The following LY75 variants were observed in gnomAD, a reference collection of about 807,000 sequenced individuals.
LY75 encodes lymphocyte antigen 75.
In LY75, 185 loss-of-function variants were observed where a neutral mutation model predicts 231.7. The observed-to-expected ratio is 0.80, with a 90% CI of 0.71 to 0.90. The LOEUF is 0.90. LY75 is among the 40% of genes least tolerant of loss of function. The pLI is 0.00. For synonymous variants in LY75, 668 were observed against 689.0 expected (o/e 0.97, Z 0.48); for missense variants, 1,947 against 2,050.2 (o/e 0.95, Z 0.97).
chr2:159,850,362 C>T lies in LY75; in HGVS notation c.2989G>A (p.Asp997Asn). The change falls in exon 22 of 35, where the codon GAC becomes AAC. Residue 997 changes from aspartate (D) to asparagine (N), a missense_variant and splice_region_variant. By Grantham distance (23) the Asp-to-Asn change is conservative (BLOSUM62 1). Transcript: ENST00000263636. ...LPSVLSQIEQ[D>N]FITSLLPDME... ...CATGTTTCCCAAATAATTCCAGTAC[C>T]TTGTTCAATCTGGCTCAACACTGAA... 6.2e-7 allele frequency: 1 copy of T among 1,613,636 alleles called. No individual in the cohort carries two copies.
Position 159,904,660 on chromosome 2 carries a change from G to A in LY75, c.23C>T (p.Pro8Leu). The part of the protein sequence containing the change: MRTGWAT[P>L]RRPAGLLMLL... ...CATGAGGAGCCCCGCCGGGCGGCGA[G>A]GGGTCGCCCAGCCTGTCCTCATCCT... Residue 8 changes from proline to leucine, a missense_variant, in exon 1 of 35, where the codon CCT becomes CTT. By Grantham distance (98) the Pro-to-Leu change is moderately conservative. Transcript: ENST00000263636. The A allele has an allele frequency of 6.7e-7, 1 of 1,488,810 alleles. No homozygotes were observed. The highest frequency in any genetic ancestry group is 8.9e-7 in the Non-Finnish European group (1 of 1,122,416). 92.2% of individuals were successfully genotyped at this position (1,488,810 alleles called of 1,614,324 possible). A position where few individuals can be genotyped will look rare whatever the true frequency, so the allele number is the denominator to read the frequency against.
rs201634137 is a variant in LY75 at position 159,872,559 on chromosome 2, T to C, written c.2009A>G (p.Asn670Ser). The part of the protein sequence containing the change: ...FHAERIVRKR[N>S]WEEAERFCQA... ...GCAGAATCGTTCAGCTTCTTCCCAGTTCCTCTTTCTTACAATTCTTTCTGC... is the reference window on the plus strand; with the variant it reads ...GCAGAATCGTTCAGCTTCTTCCCAGCTCCTCTTTCTTACAATTCTTTCTGC... Residue 670 changes from asparagine to serine, a missense_variant, in exon 13 of 35, where the codon AAC (asparagine) becomes AGC (serine). Coordinates refer to ENST00000263636, the MANE Select transcript of LY75 (RefSeq NM_002349.4). The C allele has an allele frequency of 1.2e-6, 2 of 1,613,914 alleles. No individual in the cohort carries two copies. Among genetic ancestry groups the C allele is most frequent in the Non-Finnish European group, 1.7e-6 (2 of 1,179,856 alleles).
intron 16 of LY75, among the ~76,000 whole-genome samples, chr2:159,856,842 T>C (rs970794753): frequency 6.6e-6 from 1 of 152,154 alleles, no homozygotes; most frequent in African/African-American, 2.4e-5. Context: ...CTATTTCCTC[T>C]GGTGGCTAAT....
At chr2:159,832,301 C>T (rs1220363470) in intron 27 of LY75, among the ~76,000 whole-genome samples, 3 of 152,130 alleles carry the variant, frequency 2.0e-5, no homozygotes, top group African/African-American at 7.2e-5. Flanking sequence ...TGAGCTCTGC[C>T]TCCTGTTAGA....
chr2:159,824,605 C>A (rs971809091), intron 28 of LY75, among the ~76,000 whole-genome samples: 2 of 152,174 alleles, frequency 1.3e-5, no homozygotes, highest in African/African-American at 4.8e-5. Flanking sequence ...AGCTCTGGAC[C>A]AAGTGGACCT....
intron 13 of LY75, among the ~76,000 whole-genome samples, chr2:159,870,674 C>CA (rs1684985729): frequency 7.1e-6 from 1 of 141,612 alleles, no homozygotes; most frequent in African/African-American, 2.6e-5. Context: ...CCAGCTAATT[C>CA]TTTTTTTTTT....
intron 13 of LY75, among the ~76,000 whole-genome samples, chr2:159,867,513 C>T (rs966780014): frequency 6.6e-6 from 1 of 152,210 alleles, no homozygotes; most frequent in Non-Finnish European, 1.5e-5. Flanking sequence ...ACTCCAAGCA[C>T]TAAGTATATG....
intron 31 of LY75, 135 bp from the exon 32 acceptor site, chr2:159,810,810 C>T (rs1419629506): frequency 1.4e-5 from 18 of 1,301,824 alleles, no homozygotes; most frequent in Admixed American, 1.4e-4. Flanking sequence ...GAGAAAGCCA[C>T]AGCCCACACT....
In LY75 at chr2:159,804,964, G is replaced by T; in HGVS notation, c.*80C>A. ...TTTAAGAGTTCTACTTTGGAGCAGA[G>T]TAAATACTGACACTGGGACATTTTA... is the stretch of plus-strand genomic sequence containing the variant. On this transcript the variant is annotated 3_prime_UTR_variant, in exon 35 of 35. Coordinates refer to ENST00000263636, the MANE Select transcript of LY75 (RefSeq NM_002349.4). The T allele has an allele frequency of 1.8e-6, 2 of 1,136,172 alleles. No individual in the cohort carries two copies. The highest frequency in any genetic ancestry group is 2.0e-5 in the Admixed American group (1 of 49,136). 70.4% of individuals were successfully genotyped at this position (1,136,172 alleles called of 1,614,324 possible).
At chr2:159,876,203 G>A (rs923793192) in intron 11 of LY75, among the ~76,000 whole-genome samples, 38 of 152,244 alleles carry the variant, frequency 2.5e-4, no homozygotes, top group Non-Finnish European at 5.3e-4. Context: ...AGTATTAAAA[G>A]GTAGTTTGAA....
chr2:159,818,569 A>T (rs746277036), intron 29 of LY75, among the ~76,000 whole-genome samples: 6 of 152,240 alleles, frequency 3.9e-5, no homozygotes, highest in Non-Finnish European at 7.3e-5. Flanking sequence ...GGATCCTAGA[A>T]AGAAAAAGTA....
chr2:159,872,768 A>G (rs533303778), intron 12 of LY75, among the ~76,000 whole-genome samples, 175 bp from the exon 13 acceptor site: 7 of 152,296 alleles, frequency 4.6e-5, no homozygotes, highest in South Asian at 2.1e-4. Context: ...GAAAGTGTCA[A>G]TTCAACTAAA....
chr2:159,884,253 T>C (rs914596188), intron 6 of LY75, among the ~76,000 whole-genome samples: 3 of 152,142 alleles, frequency 2.0e-5, no homozygotes, highest in African/African-American at 7.2e-5. Context: ...TTCTTCCCAG[T>C]CTTGGGTATG....
chr2:159,811,943 C>T (rs1334482446), intron 31 of LY75, among the ~76,000 whole-genome samples: 1 of 152,212 alleles, frequency 6.6e-6, no homozygotes, highest in Non-Finnish European at 1.5e-5. Flanking sequence ...AACTCCTCAT[C>T]AATGCTGCTG....
intron 20 of LY75, among the ~76,000 whole-genome samples, chr2:159,852,957 T>C (rs1185659377): frequency 6.6e-6 from 1 of 152,148 alleles, no homozygotes; most frequent in Non-Finnish European, 1.5e-5. Context: ...GGCAATGTAA[T>C]CAGGGGGAGG....
At chr2:159,897,897 C>T (rs1685948098) in intron 2 of LY75, among the ~76,000 whole-genome samples, 1 of 152,164 alleles carries the variant, frequency 6.6e-6, no homozygotes. Context: ...GGGCTAAGTC[C>T]ATGGTCCGCT....
intron 16 of LY75, among the ~76,000 whole-genome samples, chr2:159,857,560 G>A (rs1684583834): frequency 6.6e-6 from 1 of 152,050 alleles, no homozygotes; most frequent in Non-Finnish European, 1.5e-5. Context: ...TGGCCAACAT[G>A]GTGAAACCCT....
intron 32 of LY75, 133 bp from the exon 33 acceptor site, chr2:159,808,704 T>C: frequency 7.6e-7 from 1 of 1,320,070 alleles, no homozygotes; most frequent in Non-Finnish European, 9.9e-7. Flanking sequence ...ACAGAGACAG[T>C]TTTTAAAAAC....
chr2:159,803,697 G>A lies in LY75; in HGVS notation c.*1347C>T, dbSNP rs1233773078. On this transcript the variant is annotated 3_prime_UTR_variant, in exon 35 of 35. Transcript: ENST00000263636. The stretch of plus-strand genomic sequence containing the variant: ...CTTTTCCAGTGGATGCTATTACTAA[G>A]ACTATAATCTAGGTGTCAAAACTTA... 2 of 152,134 alleles carry A rather than the reference G, an allele frequency of 1.3e-5. No homozygotes were observed. Among genetic ancestry groups the A allele is most frequent in the Non-Finnish European group, 2.9e-5 (2 of 68,012 alleles). 9.4% of individuals were successfully genotyped at this position (152,134 alleles called of 1,614,324 possible). A position where few individuals can be genotyped will look rare whatever the true frequency, so the allele number is the denominator to read the frequency against.
Sources: gnomAD v4.1 joint callset for allele counts (sites outside exome capture counted in the v4.1 genomes callset) on GRCh38, gnomAD v4.1.1 for gene constraint, MANE v1.5 for transcripts, NCBI Gene and HGNC (gene_info 2026-07-23, HGNC 2026-07-21) for gene names.